NPAS3: variants seen among roughly 807,000 people sequenced by gnomAD.
The protein encoded by NPAS3 is neuronal PAS domain-containing protein 3.
NPAS3 carries 14 observed loss-of-function variants against 73.1 expected under a neutral mutation model. The ratio of observed to expected loss-of-function variants is 0.19; its 90% confidence interval spans 0.13 to 0.30. NPAS3 has a LOEUF of 0.30. Ranked by LOEUF, NPAS3 falls within the 10% of genes least tolerant of loss-of-function variation. The pLI, the probability that NPAS3 is intolerant of heterozygous loss-of-function variation, is 1.00. For synonymous variants in NPAS3, 620 were observed against 541.5 expected (o/e 1.14, Z -2.01); for missense variants, 1,096 against 1,250.0 (o/e 0.88, Z 1.86).
intron 4 of NPAS3, among the ~76,000 whole-genome samples, chr14:33,407,864 A>G (rs2047736916): frequency 6.6e-6 from 1 of 152,150 alleles, no homozygotes; most frequent in South Asian, 2.1e-4. Flanking sequence ...CAGCCAGGAT[A>G]CATTCAAGAA....
At chr14:33,024,531 G>A (rs1039028755) in intron 1 of NPAS3, among the ~76,000 whole-genome samples, 1 of 152,098 alleles carries the variant, frequency 6.6e-6, no homozygotes, top group Non-Finnish European at 1.5e-5. Context: ...CCATATTGAG[G>A]AGCATGGGTC....
chr14:33,305,660 GTT>G (rs1034512025), intron 3 of NPAS3, among the ~76,000 whole-genome samples: 1 of 152,038 alleles, frequency 6.6e-6, no homozygotes, highest in African/African-American at 2.4e-5. Flanking sequence ...CTGTATCCAG[GTT>G]TTTGTAGCCT....
intron 5 of NPAS3, among the ~76,000 whole-genome samples, chr14:33,589,452 G>A (rs1801623452): frequency 6.6e-6 from 1 of 152,184 alleles, no homozygotes; most frequent in Non-Finnish European, 1.5e-5. Flanking sequence ...TGCTGGTCAA[G>A]CAGGATGAGG....
intron 2 of NPAS3, among the ~76,000 whole-genome samples, chr14:33,065,451 G>T (rs530029383): frequency 3.9e-5 from 6 of 152,108 alleles, no homozygotes; most frequent in Admixed American, 2.0e-4. Context: ...GAGATGTTTA[G>T]GTCCAGTTCT....
intron 2 of NPAS3, among the ~76,000 whole-genome samples, chr14:33,106,476 A>G (rs1952080): frequency 0.042 from 6,442 of 152,188 alleles, 242 homozygotes; most frequent in African/African-American, 0.1. Context: ...TTGCTATCAA[A>G]ATTTTTTGTG....
At chr14:33,268,857 C>G (rs944123205) in intron 3 of NPAS3, among the ~76,000 whole-genome samples, 20 of 152,170 alleles carry the variant, frequency 1.3e-4, no homozygotes, top group African/African-American at 4.8e-4. Flanking sequence ...GTTTACCCTC[C>G]TTGCTTCTCT....
intron 3 of NPAS3, among the ~76,000 whole-genome samples, chr14:33,261,883 A>AT (rs1204867084): frequency 6.6e-6 from 1 of 152,142 alleles, no homozygotes; most frequent in African/African-American, 2.4e-5. Context: ...GGGCTTAGCA[A>AT]TGATCATGAG....
chr14:33,764,476 G>T (rs1032494918), intron 7 of NPAS3, among the ~76,000 whole-genome samples: 1 of 152,180 alleles, frequency 6.6e-6, no homozygotes, highest in Admixed American at 6.5e-5. Flanking sequence ...TAAGAGCTTG[G>T]GGGTTCTAAA....
chr14:33,449,903 C>T (rs1206084067), intron 4 of NPAS3, among the ~76,000 whole-genome samples: 1 of 152,072 alleles, frequency 6.6e-6, no homozygotes, highest in South Asian at 2.1e-4. Context: ...TTGAAATCTG[C>T]GTAAGTGTTC....
At chr14:32,977,311 G>A (rs146055578) in intron 1 of NPAS3, among the ~76,000 whole-genome samples, 2,157 of 135,948 alleles carry the variant, frequency 0.016, 21 homozygotes, top group Non-Finnish European at 0.026. Flanking sequence ...AGTATTTCTG[G>A]ACATAAGGCC....
In NPAS3 at chr14:33,156,837, C is replaced by T. The variant is rs201244547; in HGVS notation, c.141-58345C>T. Among the ~76,000 whole-genome samples, 11 of 152,164 alleles carry T rather than the reference C, an allele frequency of 7.2e-5. 1 individual carries two copies. The East Asian group carries it at 1.9e-3, about 27-fold the overall frequency. On this transcript the variant is annotated intron_variant, in intron 2 of 11. Coordinates refer to ENST00000356141, the Ensembl canonical transcript of NPAS3. ...TAGCATTTAGGTGAAATATAATTAT[C>T]GTTAAGGTTTTTGTGAATAATATAT...
chr14:33,651,321 G>C (rs946622548), intron 5 of NPAS3, among the ~76,000 whole-genome samples: 1 of 152,128 alleles, frequency 6.6e-6, no homozygotes, highest in Non-Finnish European at 1.5e-5. Flanking sequence ...CTGGTACCCC[G>C]ATCATACATA....
intron 4 of NPAS3, among the ~76,000 whole-genome samples, chr14:33,408,043 G>A (rs1594852711): frequency 1.3e-5 from 2 of 152,246 alleles, no homozygotes; most frequent in South Asian, 2.1e-4. Flanking sequence ...AGTATTGAAA[G>A]CAGACAGAAA....
At chr14:33,162,590 T>G (rs1316659542) in intron 2 of NPAS3, among the ~76,000 whole-genome samples, 1 of 152,210 alleles carries the variant, frequency 6.6e-6, no homozygotes, top group Non-Finnish European at 1.5e-5. Context: ...CTCATGTTTG[T>G]GACTTGACTG....
intron 4 of NPAS3, among the ~76,000 whole-genome samples, chr14:33,387,108 T>G (rs988539000): frequency 1.3e-5 from 2 of 152,178 alleles, no homozygotes; most frequent in Non-Finnish European, 2.9e-5. Flanking sequence ...CCTCTCAAGT[T>G]AGGACAGGGG....
At chr14:33,445,055 C>T (rs547221740) in intron 4 of NPAS3, among the ~76,000 whole-genome samples, 4 of 152,220 alleles carry the variant, frequency 2.6e-5, no homozygotes, top group Admixed American at 2.6e-4. Context: ...GGATTATTTT[C>T]TCCTCAGGTT....
At chr14:33,670,661 G>A (rs957764174) in intron 5 of NPAS3, among the ~76,000 whole-genome samples, 3 of 151,754 alleles carry the variant, frequency 2.0e-5, no homozygotes, top group African/African-American at 7.3e-5. Context: ...ACCTGCTGTG[G>A]TGAGATAGAA....
chr14:33,311,391 G>A (rs142396882), intron 3 of NPAS3, among the ~76,000 whole-genome samples: 79 of 152,168 alleles, frequency 5.2e-4, no homozygotes, highest in African/African-American at 1.8e-3. Context: ...TATATTAGTG[G>A]TCATAAGTAT....
chr14:33,159,148 G>A (rs2044756389), intron 2 of NPAS3, among the ~76,000 whole-genome samples: 1 of 152,108 alleles, frequency 6.6e-6, no homozygotes, highest in Admixed American at 6.5e-5. Context: ...GGCAACAGGA[G>A]AGAGACTCCA....
Sources: gnomAD v4.1 joint callset for allele counts (sites outside exome capture counted in the v4.1 genomes callset) on GRCh38, gnomAD v4.1.1 for gene constraint, MANE v1.5 for transcripts, NCBI Gene and HGNC (gene_info 2026-07-23, HGNC 2026-07-21) for gene names.